ARHGAP24: variants seen among roughly 807,000 people sequenced by gnomAD.
ARHGAP24 encodes Rho GTPase activating protein 24.
In ARHGAP24, 50 loss-of-function variants were observed where a neutral mutation model predicts 76.4. The ratio of observed to expected loss-of-function variants is 0.65; its 90% CI spans 0.52 to 0.83. The LOEUF is 0.83. Among genes scored for constraint, ARHGAP24 ranks in the 40% least tolerant of loss-of-function variants. The probability of loss-of-function intolerance (pLI) is 0.00; values close to 1 mark genes in which losing one functional copy is unlikely to be tolerated. For synonymous variants in ARHGAP24, 345 were observed against 323.3 expected (o/e 1.07, Z -0.72); for missense variants, 930 against 914.2 (o/e 1.02, Z -0.22).
chr4:85,800,011 A>G (rs1728512375), intron 3 of ARHGAP24, among the ~76,000 whole-genome samples: 2 of 152,178 alleles, frequency 1.3e-5, no homozygotes, highest in Non-Finnish European at 2.9e-5. Context: ...AAAGAGACAT[A>G]AAAACTAAAT....
chr4:85,896,187 G>A (rs1734169903), intron 3 of ARHGAP24, among the ~76,000 whole-genome samples: 1 of 152,220 alleles, frequency 6.6e-6, no homozygotes, highest in Non-Finnish European at 1.5e-5. Flanking sequence ...GGATGCAGTT[G>A]CAACAGAAGT....
At chr4:85,939,268 G>A (rs1736819922) in intron 4 of ARHGAP24, among the ~76,000 whole-genome samples, 4 of 152,176 alleles carry the variant, frequency 2.6e-5, no homozygotes, top group African/African-American at 9.6e-5. Context: ...ATTTTTCTCA[G>A]TTGTAGAATG....
intron 1 of ARHGAP24, among the ~76,000 whole-genome samples, chr4:85,530,170 AGCTACTTT>A (rs138051940): frequency 0.041 from 6,170 of 152,072 alleles, 401 homozygotes; most frequent in African/African-American, 0.14. Flanking sequence ...AATATTTTCA[AGCTACTTT>A]TAATTTTTGT....
At chr4:85,651,772 G>A (rs1459075741) in intron 2 of ARHGAP24, among the ~76,000 whole-genome samples, 1 of 139,652 alleles carries the variant, frequency 7.2e-6, no homozygotes, top group Non-Finnish European at 1.5e-5. Context: ...ATTCCTTCAA[G>A]GCCATATATT....
At chr4:85,628,726 A>T (rs1721060069) in intron 2 of ARHGAP24, among the ~76,000 whole-genome samples, 1 of 152,150 alleles carries the variant, frequency 6.6e-6, no homozygotes, top group Non-Finnish European at 1.5e-5. Flanking sequence ...CTTCTTTGTG[A>T]ATTGACCCTA....
intron 3 of ARHGAP24, among the ~76,000 whole-genome samples, chr4:85,777,252 A>G (rs1348888289): frequency 6.6e-6 from 1 of 152,240 alleles, no homozygotes; most frequent in African/African-American, 2.4e-5. Flanking sequence ...TTATTTGGTC[A>G]TAAGCATACT....
chr4:85,797,120 T>C (rs922387075), intron 3 of ARHGAP24, among the ~76,000 whole-genome samples: 3 of 152,114 alleles, frequency 2.0e-5, no homozygotes, highest in African/African-American at 7.2e-5. Flanking sequence ...ATGATAGAGT[T>C]TAGCATGGTA....
chr4:85,542,595 C>T (rs907014257), intron 1 of ARHGAP24, among the ~76,000 whole-genome samples: 7 of 152,050 alleles, frequency 4.6e-5, no homozygotes, highest in Admixed American at 4.6e-4. Context: ...AATGGTCTCC[C>T]TTAGGGACAG....
chr4:85,910,426 A>T (rs1168842414), intron 3 of ARHGAP24, among the ~76,000 whole-genome samples: 4 of 152,156 alleles, frequency 2.6e-5, no homozygotes, highest in Admixed American at 2.6e-4. Flanking sequence ...GGCAAGCAAA[A>T]TGAAGAGGAG....
At chr4:85,700,668 G>A (rs1724049592) in intron 2 of ARHGAP24, among the ~76,000 whole-genome samples, 1 of 152,074 alleles carries the variant, frequency 6.6e-6, no homozygotes, top group Non-Finnish European at 1.5e-5. Context: ...TATCCAAGTA[G>A]AGAAAGAGCA....
intron 3 of ARHGAP24, among the ~76,000 whole-genome samples, chr4:85,861,724 T>C (rs1731909258): frequency 6.6e-6 from 1 of 152,132 alleles, no homozygotes; most frequent in South Asian, 2.1e-4. Flanking sequence ...CTTTATACTC[T>C]GTGACCACAA....
chr4:85,937,047 C>T (rs185740403), intron 4 of ARHGAP24, among the ~76,000 whole-genome samples: 1 of 152,234 alleles, frequency 6.6e-6, no homozygotes, highest in East Asian at 1.9e-4. Flanking sequence ...CAAAGACAAG[C>T]CAGTGGGCAC....
intron 2 of ARHGAP24, among the ~76,000 whole-genome samples, chr4:85,674,717 A>G (rs1002322294): frequency 6.6e-6 from 1 of 152,308 alleles, no homozygotes; most frequent in Non-Finnish European, 1.5e-5. Context: ...GGATGTGCCA[A>G]TCTGTGTAAT....
At chr4:85,559,193 A>G (rs10013096) in intron 1 of ARHGAP24, among the ~76,000 whole-genome samples, 131,924 of 152,184 alleles carry the variant, frequency 0.87, 58,172 homozygotes, top group East Asian at 0.98. Flanking sequence ...CATTACTGCC[A>G]TTGCTCTCCC....
intron 5 of ARHGAP24, among the ~76,000 whole-genome samples, chr4:85,966,080 GCTGT>G (rs1283708209): frequency 4.6e-5 from 7 of 151,976 alleles, no homozygotes; most frequent in African/African-American, 1.7e-4. Flanking sequence ...TCTGGTGAAG[GCTGT>G]CTTTTTGGCT....
chr4:85,477,830 A>G (rs2110085522), intron 1 of ARHGAP24, among the ~76,000 whole-genome samples: 1 of 152,314 alleles, frequency 6.6e-6, no homozygotes, highest in Middle Eastern at 3.4e-3. Context: ...GTGCTACTGT[A>G]CAGTTCAGGC....
chr4:85,961,813 C>T lies in ARHGAP24; in HGVS notation c.600-10223C>T, dbSNP rs565763456. ...GCATACACACACACACATATTTAAG[C>T]ATAAATGTACCCCTCAGCATGAAAA... is the stretch of plus-strand genomic sequence containing the variant. On this transcript the variant is annotated intron_variant, in intron 5 of 9. Transcript: ENST00000395184. Among the ~76,000 whole-genome samples the T allele has an allele frequency of 3.3e-5, 5 of 152,130 alleles. No homozygotes were observed. In the South Asian group the frequency reaches 1.0e-3, roughly 32 times the overall value.
chr4:85,819,338 T>C lies in ARHGAP24; in HGVS notation c.268+97366T>C, dbSNP rs115040418. Among the ~76,000 whole-genome samples, 1,442 of 152,318 alleles carry C rather than the reference T, an allele frequency of 9.5e-3. 27 individuals carry two copies. Among genetic ancestry groups the C allele is most frequent in the African/African-American group, 0.032 (1,350 of 41,564 alleles). ...TCTCATTTCCACATCCAATATCTGA[T>C]TGCAATCTCATTTGACAGTTAAGAA... On this transcript the variant is annotated intron_variant, in intron 3 of 9. Coordinates refer to ENST00000395184, the MANE Select transcript of ARHGAP24 (RefSeq NM_001025616.3).
chr4:85,711,599 C>T (rs1724529648), intron 2 of ARHGAP24, among the ~76,000 whole-genome samples: 1 of 152,146 alleles, frequency 6.6e-6, no homozygotes, highest in African/African-American at 2.4e-5. Flanking sequence ...CTTCTTCCTG[C>T]TGAGACATTG....
Sources: allele counts gnomAD v4.1 joint callset (sites outside exome capture counted in the v4.1 genomes callset), GRCh38; gene constraint gnomAD v4.1.1; transcripts MANE v1.5; gene names NCBI Gene and HGNC (gene_info 2026-07-23, HGNC 2026-07-21).